CPNE4: variants seen among roughly 807,000 people sequenced by gnomAD.
The protein encoded by CPNE4 is copine 4.
In CPNE4, 25 loss-of-function variants were observed where a neutral mutation model predicts 67.9. The observed-to-expected ratio is 0.37, with a 90% CI of 0.27 to 0.51. The LOEUF is 0.51. Ranked by LOEUF, CPNE4 falls within the 20% of genes least tolerant of loss-of-function variation. The pLI is 0.93. For missense variants in CPNE4, 464 were observed against 690.8 expected (o/e 0.67, Z 3.68); for synonymous variants, 242 against 244.9 (o/e 0.99, Z 0.11).
At position 131,813,519 on chromosome 3, in the gene CPNE4, T is replaced by G. The variant is rs149717430; in HGVS notation, c.181-89894A>C. ...ATATTTAAAATATATTTTTTCTATA[T>G]TGTATGTATGTATACACACATATGC... is the stretch of plus-strand genomic sequence containing the variant. On this transcript the variant is annotated intron_variant, in intron 2 of 15. Coordinates refer to ENST00000429747, the MANE Select transcript of CPNE4 (RefSeq NM_130808.3). 3.7e-3 allele frequency among the ~76,000 whole-genome samples: 562 copies of G among 149,890 alleles called. 4 individuals carry two copies. Among genetic ancestry groups the G allele is most frequent in the African/African-American group, 0.013 (526 of 41,006 alleles).
At chr3:131,700,053 C>CTTTTTTTTTT in intron 3 of CPNE4, 73 bp from the exon 4 acceptor site, 1 of 345,122 alleles carries the variant, frequency 2.9e-6, no homozygotes, top group Non-Finnish European at 4.7e-6. Flanking sequence ...ATTTTTTAAA[C>CTTTTTTTTTT]CTTTTTTTTT....
intron 2 of CPNE4, among the ~76,000 whole-genome samples, chr3:131,892,306 G>A (rs761653414): frequency 6.6e-5 from 10 of 152,156 alleles, no homozygotes; most frequent in East Asian, 3.9e-4. Context: ...GCTACAGCTC[G>A]GTGCCACCTT....
intron 2 of CPNE4, among the ~76,000 whole-genome samples, chr3:131,895,926 A>C (rs979195810): frequency 1.3e-5 from 2 of 152,022 alleles, no homozygotes; most frequent in African/African-American, 4.8e-5. Context: ...CAATGGCTAA[A>C]AAACTTATCT....
intron 1 of CPNE4, among the ~76,000 whole-genome samples, chr3:131,990,005 T>C (rs1435947290): frequency 7.3e-6 from 1 of 136,326 alleles, no homozygotes; most frequent in African/African-American, 2.5e-5. Flanking sequence ...ATGGGCATAA[T>C]GAAAATAATG....
chr3:131,631,595 T>C (rs57500253), intron 7 of CPNE4, among the ~76,000 whole-genome samples: 41,792 of 151,994 alleles, frequency 0.27, 9,433 homozygotes, highest in African/African-American at 0.62. Context: ...AACCGGAAAT[T>C]ATTAACATTT....
chr3:132,020,666 C>T (rs1344945557), intron 1 of CPNE4, among the ~76,000 whole-genome samples: 1 of 152,186 alleles, frequency 6.6e-6, no homozygotes, highest in East Asian at 1.9e-4. Context: ...ATCTCCACCC[C>T]TCCAAGTAAT....
chr3:132,025,733 A>C (rs926823625), intron 1 of CPNE4, among the ~76,000 whole-genome samples: 4 of 152,182 alleles, frequency 2.6e-5, no homozygotes, highest in Non-Finnish European at 5.9e-5. Context: ...ACATAGACAC[A>C]ATCATTATTC....
At chr3:131,551,406 A>G (rs1366498174) in intron 13 of CPNE4, among the ~76,000 whole-genome samples, 1 of 152,106 alleles carries the variant, frequency 6.6e-6, no homozygotes, top group Admixed American at 6.6e-5. Context: ...CTTGAAAAGT[A>G]TCAGGCAGAT....
intron 2 of CPNE4, among the ~76,000 whole-genome samples, chr3:131,861,097 T>C (rs77180613): frequency 6.6e-6 from 1 of 152,324 alleles, no homozygotes; most frequent in East Asian, 1.9e-4. Context: ...CATACATATA[T>C]ATAACCAAAC....
chr3:131,996,892 C>A (rs1234397081), intron 1 of CPNE4, among the ~76,000 whole-genome samples: 10 of 152,006 alleles, frequency 6.6e-5, no homozygotes, highest in Non-Finnish European at 5.9e-5. Flanking sequence ...TTGAAACAGT[C>A]CAAAATGTAC....
intron 13 of CPNE4, among the ~76,000 whole-genome samples, chr3:131,551,507 G>A (rs949628098): frequency 2.0e-5 from 3 of 152,060 alleles, no homozygotes; most frequent in Non-Finnish European, 4.4e-5. Flanking sequence ...GAATGGGGGT[G>A]GTTGGGGATG....
intron 1 of CPNE4, among the ~76,000 whole-genome samples, chr3:131,920,534 C>G (rs1189389719): frequency 6.6e-6 from 1 of 152,044 alleles, no homozygotes; most frequent in African/African-American, 2.4e-5. Flanking sequence ...GTGGAGCCTC[C>G]TAAATCAACT....
At chr3:132,018,306 T>C (rs75658916) in intron 1 of CPNE4, among the ~76,000 whole-genome samples, 2,866 of 152,290 alleles carry the variant, frequency 0.019, 41 homozygotes, top group Non-Finnish European at 0.027. Context: ...TTGATTTTTC[T>C]GGTTAGAGAG....
At chr3:131,788,894 A>T (rs1251151968) in intron 2 of CPNE4, among the ~76,000 whole-genome samples, 1 of 151,984 alleles carries the variant, frequency 6.6e-6, no homozygotes, top group Non-Finnish European at 1.5e-5. Context: ...ATTAGCAATG[A>T]TTATGTCGGG....
chr3:131,823,514 T>C (rs2085039996), intron 2 of CPNE4, among the ~76,000 whole-genome samples: 1 of 152,234 alleles, frequency 6.6e-6, no homozygotes, highest in African/African-American at 2.4e-5. Context: ...GTTCTGAATA[T>C]AGACAGGGTC....
intron 2 of CPNE4, among the ~76,000 whole-genome samples, chr3:131,746,521 G>A (rs538887359): frequency 6.6e-6 from 1 of 152,202 alleles, no homozygotes; most frequent in African/African-American, 2.4e-5. Context: ...AGATAAGGTG[G>A]TATCTGTCTT....
chr3:131,875,086 C>A (rs2087383161), intron 2 of CPNE4, among the ~76,000 whole-genome samples: 1 of 152,178 alleles, frequency 6.6e-6, no homozygotes, highest in Non-Finnish European at 1.5e-5. Context: ...TACTGAGCAA[C>A]TTCCCTAGCC....
At chr3:131,838,278 C>T (rs2085635970) in intron 2 of CPNE4, among the ~76,000 whole-genome samples, 1 of 151,822 alleles carries the variant, frequency 6.6e-6, no homozygotes, top group African/African-American at 2.4e-5. Context: ...TTAAAGGCTT[C>T]ATATTCAATA....
intron 1 of CPNE4, among the ~76,000 whole-genome samples, chr3:131,915,959 G>T (rs2089165916): frequency 6.6e-6 from 1 of 152,268 alleles, no homozygotes; most frequent in Middle Eastern, 3.4e-3. Context: ...TTCAGGAGAA[G>T]AATTTAATGT....
Sources: gnomAD v4.1 joint callset for allele counts (sites outside exome capture counted in the v4.1 genomes callset) on GRCh38, gnomAD v4.1.1 for gene constraint, MANE v1.5 for transcripts, NCBI Gene and HGNC (gene_info 2026-07-23, HGNC 2026-07-21) for gene names.